GABRE: variants seen among roughly 807,000 people sequenced by gnomAD.
GABRE encodes gamma-aminobutyric acid type A receptor subunit epsilon, also known as gamma-aminobutyric acid receptor subunit epsilon.
A neutral mutation model predicts 31.0 loss-of-function variants in GABRE; 20 were observed. The ratio of observed to expected loss-of-function variants is 0.64; its 90% CI spans 0.45 to 0.94. The LOEUF is 0.94. Among genes scored for constraint, GABRE ranks in the 40% least tolerant of loss-of-function variants. GABRE has a pLI of 0.00. For missense variants in GABRE, 420 were observed against 410.7 expected, an observed-to-expected ratio of 1.02 and a Z score of -0.20; for synonymous variants, 155 against 150.6, an observed-to-expected ratio of 1.03 and a Z score of -0.21.
rs1351515352 is a variant in GABRE, at chrX:151,962,641, T to C, written c.345A>G (p.Glu115=). ...GGGAGAAGATGATGTCAATGGTGTA[T>C]TCCTGGTGGGAAGGACAGAAAAGCA... ...SLGPLSILDM[E]YTIDIIFSQT... Residue 115 remains glutamate, a splice_region_variant and synonymous_variant, in exon 4 of 9, where the codon GAA becomes GAG. Transcript: ENST00000370328. 8.4e-7 allele frequency: 1 copy of C among 1,197,443 alleles called. No individual in the cohort carries two copies. Among genetic ancestry groups the C allele is most frequent in the African/African-American group, 1.7e-5 (1 of 57,432 alleles).
intron 5 of GABRE, among the ~76,000 whole-genome samples, chrX:151,960,807 T>C (rs962394244): frequency 9.0e-6 from 1 of 111,520 alleles, no homozygotes; most frequent in Non-Finnish European, 1.9e-5. Flanking sequence ...CAACAGGATG[T>C]GCTGATTGAT....
intron 1 of GABRE, among the ~76,000 whole-genome samples, chrX:151,973,718 G>A (rs1934794125): frequency 8.9e-6 from 1 of 111,838 alleles, no homozygotes; most frequent in African/African-American, 3.3e-5. Flanking sequence ...CAAATCCAGG[G>A]CACGACCCTC....
At chrX:151,958,990 C>G in intron 6 of GABRE, 2 of 328,897 alleles carry the variant, frequency 6.1e-6, no homozygotes, top group South Asian at 2.6e-5. Flanking sequence ...ATGCCTCTCA[C>G]GACAAATGGC....
intron 1 of GABRE, among the ~76,000 whole-genome samples, chrX:151,972,832 C>A (rs867826967): frequency 3.6e-5 from 4 of 110,635 alleles, no homozygotes; most frequent in Non-Finnish European, 5.7e-5. Context: ...AGCTCACTTT[C>A]GGGGCTAGAC....
rs896303707 is a variant in GABRE at position 151,955,661 on chromosome X, C to A, written c.937+47G>T. The A allele has an allele frequency of 5.0e-6, 6 of 1,205,527 alleles. No individual in the cohort carries two copies. The African/African-American group carries it at 1.1e-4, about 21-fold the overall frequency. On this transcript the variant is annotated intron_variant, in intron 7 of 8. Transcript: ENST00000370328. ...ACAAGGCAACTCTGCCCTGGCCCAG[C>A]CAACTCCCAGCCATGTGCCTATGCG...
rs201244825 is a variant in GABRE, at chrX:151,961,354, T to C, written c.575A>G (p.Asp192Gly). The C allele has an allele frequency of 8.3e-6, 10 of 1,197,703 alleles. No homozygotes were observed. The East Asian group carries it at 3.0e-4, about 35-fold the overall frequency. The change falls in exon 5 of 9, where the codon GAT becomes GGT. Residue 192 changes from aspartate (D) to glycine (G), a missense_variant. By Grantham distance (94) the Asp-to-Gly change is moderately conservative (BLOSUM62 -1). Transcript: ENST00000370328. The part of the protein sequence containing the change: ...KVLYTIRMTI[D>G]AGCSLHMLRF... ...GAGCATGTGGAGTGAGCATCCGGCA[T>C]CAATGGTCATCCTGGAAGGGAGAAA...
chrX:151,969,722 C>T lies in GABRE; in HGVS notation c.289G>A (p.Val97Ile). 8.3e-7 allele frequency: 1 copy of T among 1,209,249 alleles called. No individual in the cohort carries two copies. Among genetic ancestry groups the T allele is most frequent in the Non-Finnish European group, 1.1e-6 (1 of 894,319 alleles). ...RPGIGEKPTV[V>I]TVEISVNSLG... ...CTGTTGACGGAGATCTCAACAGTGA[C>T]CACAGTGGGCTTCTCTATAAGGGAA... Residue 97 changes from valine to isoleucine, a missense_variant, in exon 3 of 9, where the codon GTC (valine) becomes ATC (isoleucine). Transcript: ENST00000370328.
chrX:151,955,374 G>C lies in GABRE; in HGVS notation c.1131C>G (p.Leu377=). ...NQTKAHASPK[L]RHPRINSRAH... ...TCCCATACCCAGCTCATACATGGCGGAGTTTAGGAGAAGCATGGGCTTTTG... is the reference window on the plus strand; with the variant it reads ...TCCCATACCCAGCTCATACATGGCGCAGTTTAGGAGAAGCATGGGCTTTTG... The change falls in exon 8 of 9, where the codon CTC becomes CTG. Residue 377 remains leucine, a synonymous_variant. Transcript: ENST00000370328. 2.5e-6 allele frequency: 3 copies of C among 1,211,802 alleles called. No homozygotes were observed. The highest frequency in any genetic ancestry group is 3.4e-6 in the Non-Finnish European group (3 of 895,401).
chrX:151,961,080 A>G, intron 5 of GABRE: 1 of 395,240 alleles, frequency 2.5e-6, no homozygotes, highest in Non-Finnish European at 4.5e-6. Flanking sequence ...CATACTTGAG[A>G]TACGCTTCAG....
rs770333755 is a variant in GABRE at position 151,954,365 on chromosome X, T to C, written c.*336A>G. On this transcript the variant is annotated 3_prime_UTR_variant, in exon 9 of 9. Transcript: ENST00000370328. ...TCTGGTGGTCAGCATTGTTGGAAGA[T>C]AGCTAATCCGCCTGTACTTAGGCAT... 2.2e-5 allele frequency: 4 copies of C among 182,416 alleles called. No homozygotes were observed. The highest frequency in any genetic ancestry group is 4.0e-5 in the Non-Finnish European group (4 of 98,793). The allele number at this position is 182,416 out of a possible 1,213,427, so 15.0% of individuals were successfully genotyped here. A position where few individuals can be genotyped will look rare whatever the true frequency, so the allele number is the denominator to read the frequency against.
chrX:151,954,770 C>T lies in GABRE; in HGVS notation c.1452G>A (p.Ser484=), dbSNP rs765139873. 1.7e-5 allele frequency: 21 copies of T among 1,209,668 alleles called. No individual in the cohort carries two copies. The African/African-American group carries it at 2.3e-4, about 13-fold the overall frequency. Reference sequence around the variant, plus strand: ...AGAAAGTCACTGGGAAAACAACTCTCGAGTAGTTATCCAGGCGGTAGACAT... The same window carrying T: ...AGAAAGTCACTGGGAAAACAACTCTTGAGTAGTTATCCAGGCGGTAGACAT... ...CIHVYRLDNY[S]RVVFPVTFFF... The change falls in exon 9 of 9, where the codon TCG becomes TCA. Residue 484 remains serine, a synonymous_variant. Coordinates refer to ENST00000370328, the MANE Select transcript of GABRE (RefSeq NM_004961.4).
intron 3 of GABRE, among the ~76,000 whole-genome samples, chrX:151,966,178 C>T (rs1350290206): frequency 3.6e-5 from 4 of 112,395 alleles, no homozygotes; most frequent in Non-Finnish European, 7.5e-5. Context: ...TCACTTTTTC[C>T]CCAGTTTGAC....
intron 2 of GABRE, 41 bp downstream of exon 2, chrX:151,970,144 T>C: frequency 8.3e-7 from 1 of 1,206,742 alleles, no homozygotes; most frequent in African/African-American, 1.7e-5. Context: ...CCTCAACCCC[T>C]GGACCCTCTA....
intron 1 of GABRE, among the ~76,000 whole-genome samples, chrX:151,974,013 C>A (rs1280737620): frequency 9.0e-6 from 1 of 110,988 alleles, no homozygotes; most frequent in Non-Finnish European, 1.9e-5. Context: ...GGAGCAGCGG[C>A]ATGGGAAGCA....
At chrX:151,966,805 T>C (rs1934538584) in intron 3 of GABRE, among the ~76,000 whole-genome samples, 1 of 112,251 alleles carries the variant, frequency 8.9e-6, no homozygotes. Context: ...AAGTGCCACC[T>C]TACTGGCCAA....
At position 151,955,862 on chromosome X, in the gene GABRE, TG is replaced by T; in HGVS notation, c.785-3del. 2 of 1,211,222 alleles carry T rather than the reference TG, an allele frequency of 1.7e-6. No homozygotes were observed. The highest frequency in any genetic ancestry group is 2.2e-6 in the Non-Finnish European group (2 of 895,037). Reference sequence around the variant, plus strand: ...AAATCGTCATGACCATGAAGTCACCTGAAAGACACAAAAAACATCACTGCAT... The same window carrying T: ...AAATCGTCATGACCATGAAGTCACCTAAAGACACAAAAAACATCACTGCAT... On this transcript the variant is annotated splice_region_variant and splice_polypyrimidine_tract_variant and intron_variant, in intron 6 of 8. Transcript: ENST00000370328.
At chrX:151,961,472 CTTTG>C (rs1218705474) in intron 4 of GABRE, 107 bp from the exon 5 acceptor site, 1 of 535,202 alleles carries the variant, frequency 1.9e-6, no homozygotes, top group Middle Eastern at 5.0e-4. Context: ...CAATTTTTTT[CTTTG>C]TTTGTTTGAG....
intron 1 of GABRE, among the ~76,000 whole-genome samples, chrX:151,973,005 G>C (rs987176082): frequency 1.9e-5 from 2 of 107,474 alleles, no homozygotes; most frequent in South Asian, 8.9e-4. Context: ...AGAAGTGGGG[G>C]GGGGAGGGGC....
At chrX:151,965,930 C>T (rs987777889) in intron 3 of GABRE, among the ~76,000 whole-genome samples, 3 of 112,128 alleles carry the variant, frequency 2.7e-5, no homozygotes, top group Non-Finnish European at 5.6e-5. Flanking sequence ...ACCTGCCCCA[C>T]CTGCCTCCAC....
Sources: allele counts gnomAD v4.1 joint callset (sites outside exome capture counted in the v4.1 genomes callset), GRCh38; gene constraint gnomAD v4.1.1; transcripts MANE v1.5; gene names NCBI Gene and HGNC (gene_info 2026-07-23, HGNC 2026-07-21).